DNPEP: variants seen among roughly 807,000 people sequenced by gnomAD.
DNPEP encodes the protein aspartyl aminopeptidase.
DNPEP carries 46 observed loss-of-function variants against 59.1 expected under a neutral mutation model. That is an observed-to-expected ratio of 0.78 (90% CI 0.61 to 0.99). The LOEUF (loss-of-function observed/expected upper bound fraction) is 0.99, where lower values mean the gene tolerates loss of function less well. Ranked by LOEUF, DNPEP falls within the 50% of genes least tolerant of loss-of-function variation. The pLI is 0.00. For missense variants in DNPEP, 617 were observed against 649.9 expected (o/e 0.95, Z 0.55); for synonymous variants, 229 against 242.2 (o/e 0.95, Z 0.50).
chr2:219,382,260 GC>G, intron 10 of DNPEP, 121 bp from the exon 11 acceptor site: 1 of 1,120,932 alleles, frequency 8.9e-7, no homozygotes, highest in African/African-American at 1.5e-5. Flanking sequence ...GGTGTTCTTA[GC>G]AACACCCCTA....
intron 13 of DNPEP, among the ~76,000 whole-genome samples, chr2:219,379,556 G>A (rs1247505300): frequency 5.9e-5 from 9 of 152,182 alleles, no homozygotes; most frequent in Admixed American, 5.9e-4. Flanking sequence ...TTGAATAGCT[G>A]TACTATGTGT....
Position 219,372,911 on chromosome 2 carries a change from T to C in DNPEP, c.*1381A>G, listed in dbSNP as rs545171702. ...ATTTATATGTATTGATATAGAAATA[T>C]CTCTATATTATATTAAGTTTTTTAG... On this transcript the variant is annotated 3_prime_UTR_variant, in exon 15 of 15. Transcript: ENST00000273075. Among the ~76,000 whole-genome samples, 1 of 152,270 alleles carries C rather than the reference T, an allele frequency of 6.6e-6. No homozygotes were observed. Among genetic ancestry groups the C allele is most frequent in the Non-Finnish European group, 1.5e-5 (1 of 68,020 alleles).
At chr2:219,387,197 T>C in intron 1 of DNPEP, 34 bp from the exon 2 acceptor site, 3 of 1,545,984 alleles carry the variant, frequency 1.9e-6, no homozygotes, top group Non-Finnish European at 2.6e-6. Context: ...TTTTACAAGG[T>C]CTGGGACCCC....
intron 1 of DNPEP, among the ~76,000 whole-genome samples, chr2:219,395,791 G>A (rs1211306370): frequency 1.3e-5 from 2 of 152,154 alleles, no homozygotes; most frequent in South Asian, 2.1e-4. Flanking sequence ...CTCTCCTAGC[G>A]CCAGTGTCAT....
upstream of DNPEP, chr2:219,388,934 C>T: frequency 1.1e-6 from 1 of 943,040 alleles, no homozygotes. Flanking sequence ...AGTGATCCGT[C>T]GAGGTAATAA....
chr2:219,383,025 G>T, intron 10 of DNPEP, 106 bp downstream of exon 10: 1 of 992,794 alleles, frequency 1.0e-6, no homozygotes, highest in Non-Finnish European at 1.5e-6. Context: ...CATCTCCCCT[G>T]TCTTGGGGCC....
rs1953223937 is a variant in DNPEP at position 219,372,543 on chromosome 2, A to AT, written c.*1748dup. Among the ~76,000 whole-genome samples, 1 of 151,494 alleles carries AT rather than the reference A, an allele frequency of 6.6e-6. No individual in the cohort carries two copies. The highest frequency in any genetic ancestry group is 2.4e-5 in the African/African-American group (1 of 41,168). ...ACCACGCATGGCTAATTTTTTTTGTATTTTTAGTAGAGAGGTTTTCACCAT... is the reference window on the plus strand; with the variant it reads ...ACCACGCATGGCTAATTTTTTTTGTATTTTTTAGTAGAGAGGTTTTCACCAT... On this transcript the variant is annotated 3_prime_UTR_variant, in exon 15 of 15. Coordinates refer to ENST00000273075, the MANE Select transcript of DNPEP (RefSeq NM_012100.4).
Position 219,385,722 on chromosome 2 carries a change from G to A in DNPEP, c.591-16C>T. 1 of 1,589,466 alleles carries A rather than the reference G, an allele frequency of 6.3e-7. No homozygotes were observed. The highest frequency in any genetic ancestry group is 8.6e-7 in the Non-Finnish European group (1 of 1,166,626). On this transcript the variant is annotated splice_polypyrimidine_tract_variant and intron_variant, in intron 6 of 14. Transcript: ENST00000273075. ...AATGGGGACTCTGTGGGGAGACGTG[G>A]GTTGTGGGGGGATTGCGAGGAGGGC...
upstream of DNPEP, among the ~76,000 whole-genome samples, chr2:219,389,900 T>C (rs1025019910): frequency 3.3e-5 from 5 of 151,900 alleles, no homozygotes; most frequent in African/African-American, 9.7e-5. Context: ...AGCATTCTTG[T>C]CCTCTACCTC....
chr2:219,385,842 G>A (rs1246340706), intron 6 of DNPEP, 126 bp downstream of exon 6: 1 of 1,462,662 alleles, frequency 6.8e-7, no homozygotes, highest in African/African-American at 1.4e-5. Context: ...TCACAAGGCT[G>A]TGAGGACCCT....
At chr2:219,387,239 C>A in intron 1 of DNPEP, 76 bp from the exon 2 acceptor site, 1 of 1,528,770 alleles carries the variant, frequency 6.5e-7, no homozygotes. Context: ...AGGATTCTCC[C>A]ATCCCCACCC....
chr2:219,377,705 C>A (rs1953429387), intron 13 of DNPEP, among the ~76,000 whole-genome samples: 1 of 152,118 alleles, frequency 6.6e-6, no homozygotes. Flanking sequence ...GGGAGGACTG[C>A]TTGAAGCCAG....
rs771136692 is a variant in DNPEP, at chr2:219,372,173, T to C, written c.*2119A>G. On this transcript the variant is annotated 3_prime_UTR_variant, in exon 15 of 15. Transcript: ENST00000273075. ...ACGCCAATTGTAAGAGTAAATACAG[T>C]GTGAGGGTAAAATTTTTTACATAAG... Among the ~76,000 whole-genome samples, 1 of 152,018 alleles carries C rather than the reference T, an allele frequency of 6.6e-6. No individual in the cohort carries two copies. Among genetic ancestry groups the C allele is most frequent in the Non-Finnish European group, 1.5e-5 (1 of 68,010 alleles).
intron 13 of DNPEP, among the ~76,000 whole-genome samples, chr2:219,379,864 G>GC (rs1312726130): frequency 6.6e-6 from 1 of 152,114 alleles, no homozygotes. Flanking sequence ...GTTGCAGTGA[G>GC]CCGAGATCGT....
rs964780020 is a variant in DNPEP, at chr2:219,374,195, C to A, written c.*97G>T. On this transcript the variant is annotated 3_prime_UTR_variant, in exon 15 of 15. Transcript: ENST00000273075. ...TCCAAATAAGCGTAGCACGGAGAGT[C>A]TGAGTGACAATCCACTTTAATAATC... 2.5e-6 allele frequency: 3 copies of A among 1,201,076 alleles called. No homozygotes were observed. The highest frequency in any genetic ancestry group is 3.7e-6 in the Non-Finnish European group (3 of 809,950). 74.4% of individuals were successfully genotyped at this position (1,201,076 alleles called of 1,614,324 possible).
At chr2:219,383,288 G>A in intron 9 of DNPEP, 74 bp from the exon 10 acceptor site, 1 of 1,295,508 alleles carries the variant, frequency 7.7e-7, no homozygotes, top group Non-Finnish European at 1.1e-6. Flanking sequence ...AGCACCTTGG[G>A]TGTGCACGCT....
At chr2:219,375,062 T>C (rs779677689) in intron 13 of DNPEP, 40 bp from the exon 14 acceptor site, 2 of 1,605,072 alleles carry the variant, frequency 1.2e-6, no homozygotes, top group Non-Finnish European at 1.7e-6. Flanking sequence ...ATGCAGTGTG[T>C]GCTTATCAGA....
chr2:219,394,717 C>G (rs1954069039), intron 1 of DNPEP, among the ~76,000 whole-genome samples: 2 of 152,208 alleles, frequency 1.3e-5, no homozygotes. Flanking sequence ...ATCCCTAGCC[C>G]AGATATCTCT....
In DNPEP at chr2:219,386,766, T is replaced by G. The variant is rs772950026; in HGVS notation, c.232A>C (p.Arg78=). 2 of 1,613,198 alleles carry G rather than the reference T, an allele frequency of 1.2e-6. No homozygotes were observed. Among genetic ancestry groups the G allele is most frequent in the East Asian group, 4.5e-5 (2 of 44,874 alleles). Reference sequence around the variant, plus strand: ...AAAGCTATGATGGTGGAGGAGTTCCTGGTCATGAAGTACTGAGGAGAAGGG... The same window carrying G: ...AAAGCTATGATGGTGGAGGAGTTCCGGGTCATGAAGTACTGAGGAGAAGGG... ...IKPESKYFMT[R]NSSTIIAFAV... The change falls in exon 4 of 15, where the codon AGG becomes CGG. Residue 78 remains arginine, a synonymous_variant. Transcript: ENST00000273075.
Sources: allele counts gnomAD v4.1 joint callset (sites outside exome capture counted in the v4.1 genomes callset), GRCh38; gene constraint gnomAD v4.1.1; transcripts MANE v1.5; gene names NCBI Gene and HGNC (gene_info 2026-07-23, HGNC 2026-07-21).